RPL34: variants seen among roughly 807,000 people sequenced by gnomAD.
RPL34 encodes ribosomal protein L34, also known as large ribosomal subunit protein eL34.
In RPL34, 2 loss-of-function variants were observed where a neutral mutation model predicts 16.3. That is an observed-to-expected ratio of 0.12 (90% CI 0.05 to 0.39). The LOEUF (loss-of-function observed/expected upper bound fraction) is 0.39, where lower values mean the gene tolerates loss of function less well. Among genes scored for constraint, RPL34 ranks in the 10% least tolerant of loss-of-function variants. RPL34 has a pLI of 0.99. For missense variants in RPL34, 82 were observed against 148.8 expected (o/e 0.55, Z 2.33); for synonymous variants, 47 against 48.5 (o/e 0.97, Z 0.13).
intron 4 of RPL34, among the ~76,000 whole-genome samples, 193 bp from the exon 5 acceptor site, chr4:108,624,935 G>C (rs914219845): frequency 6.6e-6 from 1 of 152,228 alleles, no homozygotes; most frequent in Middle Eastern, 3.4e-3. Flanking sequence ...ATAACTACTG[G>C]CATGAAATTG....
At chr4:108,621,632 G>C in intron 1 of RPL34, 1 of 286,780 alleles carries the variant, frequency 3.5e-6, no homozygotes, top group African/African-American at 2.2e-5. Flanking sequence ...TGTTTAAAGC[G>C]GTGTTTCTCC....
chr4:108,624,053 A>G (rs766697785), intron 4 of RPL34, among the ~76,000 whole-genome samples: 5 of 114,174 alleles, frequency 4.4e-5, no homozygotes, highest in Admixed American at 9.7e-5. Flanking sequence ...AAGCTGAAGA[A>G]GTTTGGCTTT....
downstream of RPL34, among the ~76,000 whole-genome samples, chr4:108,626,678 A>G (rs1726013304): frequency 6.6e-6 from 1 of 152,018 alleles, no homozygotes; most frequent in African/African-American, 2.4e-5. Flanking sequence ...ATCTCAAGTG[A>G]TCCGCCCACC....
At chr4:108,625,878 C>T (rs1035716759), downstream of RPL34, among the ~76,000 whole-genome samples, 1 of 152,188 alleles carries the variant, frequency 6.6e-6, no homozygotes, top group Admixed American at 6.5e-5. Flanking sequence ...ATCTCCTTTA[C>T]GTCAGCAAGT....
chr4:108,621,828 C>T (rs1051539607), intron 1 of RPL34, 123 bp from the exon 2 acceptor site: 1 of 679,430 alleles, frequency 1.5e-6, no homozygotes. Flanking sequence ...AATAATACAT[C>T]TTAATTTAAG....
downstream of RPL34, among the ~76,000 whole-genome samples, chr4:108,627,571 G>A (rs1318627534): frequency 6.6e-6 from 1 of 151,756 alleles, no homozygotes; most frequent in Admixed American, 6.6e-5. Context: ...TCCCTTTTAA[G>A]AATTTAACCG....
intron 1 of RPL34, 107 bp from the exon 2 acceptor site, chr4:108,621,844 T>A: frequency 1.4e-6 from 1 of 739,334 alleles, no homozygotes; most frequent in Non-Finnish European, 2.4e-6. Flanking sequence ...TTAAGGGTGT[T>A]ACATACAAGG....
chr4:108,625,484 C>A, downstream of RPL34: 1 of 278,940 alleles, frequency 3.6e-6, no homozygotes, highest in Non-Finnish European at 6.9e-6. Context: ...CTTCCAGGTT[C>A]AAGTGATTCT....
downstream of RPL34, among the ~76,000 whole-genome samples, chr4:108,626,973 T>C (rs1306615554): frequency 1.3e-5 from 2 of 152,132 alleles, no homozygotes; most frequent in African/African-American, 4.8e-5. Context: ...GACGCCGTGG[T>C]TCATGCCTGT....
rs1560614144 is a variant in RPL34, at chr4:108,625,256, A to G, written c.*44A>G. 1 of 1,209,852 alleles carries G rather than the reference A, an allele frequency of 8.3e-7. No homozygotes were observed. The allele number at this position is 1,209,852 out of a possible 1,614,324, so 74.9% of individuals were successfully genotyped here. ...AGTAATAAAAATGAAAAGACGCTGT[A>G]TGTATGACTTTTTTTTTTTCTGTTG... On this transcript the variant is annotated 3_prime_UTR_variant, in exon 5 of 5. Coordinates refer to ENST00000394667, the MANE Select transcript of RPL34 (RefSeq NM_001319236.2).
downstream of RPL34, chr4:108,625,378 GT>G: frequency 2.0e-6 from 1 of 507,648 alleles, no homozygotes; most frequent in Non-Finnish European, 3.5e-6. Context: ...TTGTTTGTTT[GT>G]TTTTGGTTTG....
Position 108,622,102 on chromosome 4 carries a change from T to C in RPL34, c.66-3T>C, listed in dbSNP as rs758221667. ...CTGACCTACTGACTGTTTCACTTTCTAGGTCCCGAACCCCTGGTAATAGAA... is the reference window on the plus strand; with the variant it reads ...CTGACCTACTGACTGTTTCACTTTCCAGGTCCCGAACCCCTGGTAATAGAA... On this transcript the variant is annotated splice_region_variant and splice_polypyrimidine_tract_variant and intron_variant, in intron 2 of 4. Transcript: ENST00000394667. The C allele has an allele frequency of 6.2e-7, 1 of 1,611,792 alleles. No homozygotes were observed. Among genetic ancestry groups the C allele is most frequent in the East Asian group, 2.2e-5 (1 of 44,874 alleles).
chr4:108,621,264 C>T (rs1009680417), intron 1 of RPL34: 1 of 152,242 alleles, frequency 6.6e-6, no homozygotes, highest in Non-Finnish European at 1.5e-5. Flanking sequence ...TGGGTAGTTC[C>T]CTTAACGAAG....
In RPL34 at chr4:108,625,051, A is replaced by G. The variant is rs1321547666; in HGVS notation, c.270-77A>G. 3.1e-6 allele frequency: 3 copies of G among 965,676 alleles called. No homozygotes were observed. The East Asian group carries it at 7.6e-5, about 24-fold the overall frequency. 59.8% of individuals were successfully genotyped at this position (965,676 alleles called of 1,614,324 possible). On this transcript the variant is annotated intron_variant, in intron 4 of 4. Coordinates refer to ENST00000394667, the MANE Select transcript of RPL34 (RefSeq NM_001319236.2). ...TGATTGCTTTGCTTGGTTCTTTACC[A>G]TGTTTGCCTTCTCTGTGCTAAATAA...
downstream of RPL34, chr4:108,625,404 AGACG>A: frequency 2.1e-6 from 1 of 484,896 alleles, no homozygotes; most frequent in Non-Finnish European, 3.7e-6. Flanking sequence ...GGTTTTTTTG[AGACG>A]GAGTTTCTCT....
At chr4:108,626,531 C>T (rs1726008798), downstream of RPL34, among the ~76,000 whole-genome samples, 1 of 148,806 alleles carries the variant, frequency 6.7e-6, no homozygotes, top group Non-Finnish European at 1.5e-5. Context: ...TCACTGCAAC[C>T]TCCACCTCCT....
downstream of RPL34, among the ~76,000 whole-genome samples, chr4:108,625,813 G>C (rs1267010390): frequency 6.6e-6 from 1 of 152,140 alleles, no homozygotes; most frequent in Non-Finnish European, 1.5e-5. Flanking sequence ...GGGTGGTTTG[G>C]GAGGAATGGC....
chr4:108,622,229 A>G (rs1343835278), intron 3 of RPL34, 25 bp downstream of exon 3: 2 of 1,485,900 alleles, frequency 1.3e-6, no homozygotes, highest in Non-Finnish European at 1.9e-6. Flanking sequence ...TACTGTGTGC[A>G]GCCTAACAAG....
rs1725807155 is a variant in RPL34 at position 108,622,136 on chromosome 4, C to G, written c.97C>G (p.Leu33Val). ...SRTPGNRIVY[L>V]YTKKVGKAPK... ...AACCCCTGGTAATAGAATTGTTTACCTTTATACCAAGAAGGTTGGGAAAGC... is the reference window on the plus strand; with the variant it reads ...AACCCCTGGTAATAGAATTGTTTACGTTTATACCAAGAAGGTTGGGAAAGC... Residue 33 changes from leucine (L) to valine (V), a missense_variant, in exon 3 of 5, where the codon CTT becomes GTT. Physicochemically the swap from Leu to Val is conservative, Grantham distance 32. Transcript: ENST00000394667. 6.2e-7 allele frequency: 1 copy of G among 1,613,736 alleles called. No homozygotes were observed. Among genetic ancestry groups the G allele is most frequent in the African/African-American group, 1.3e-5 (1 of 74,862 alleles).
Sources: allele counts gnomAD v4.1 joint callset (sites outside exome capture counted in the v4.1 genomes callset), GRCh38; gene constraint gnomAD v4.1.1; transcripts MANE v1.5; gene names NCBI Gene and HGNC (gene_info 2026-07-23, HGNC 2026-07-21).